TAF3: variants seen among roughly 807,000 people sequenced by gnomAD.
TAF3 encodes transcription initiation factor TFIID subunit 3.
Under a neutral mutation model 80.6 loss-of-function variants are expected in TAF3, and 7 were observed. The observed-to-expected ratio is 0.09, with a 90% confidence interval of 0.05 to 0.16. The LOEUF is 0.16. TAF3 is among the 10% of genes least tolerant of loss of function. The probability of loss-of-function intolerance (pLI) is 1.00; values close to 1 mark genes in which losing one functional copy is unlikely to be tolerated. For missense variants in TAF3, 921 were observed against 1,140.2 expected, an observed-to-expected ratio of 0.81 and a Z score of 2.77; for synonymous variants, 444 against 446.1, an observed-to-expected ratio of 1.00 and a Z score of 0.06.
Position 7,969,882 on chromosome 10 carries a change from G to A in TAF3, c.2232+4140G>A, listed in dbSNP as rs559515120. On this transcript the variant is annotated intron_variant, in intron 3 of 6. Coordinates refer to ENST00000344293, the MANE Select transcript of TAF3 (RefSeq NM_031923.4). ...CGTTATTCACCAACCTCCCATCCTC[G>A]CAGACCCTCTGCTTCCTTCCTCCGT... 3.9e-5 allele frequency among the ~76,000 whole-genome samples: 6 copies of A among 152,156 alleles called. No homozygotes were observed. In the East Asian group the frequency reaches 5.8e-4, roughly 15 times the overall value.
In TAF3 at chr10:8,015,548, T is replaced by C. The variant is rs761478576; in HGVS notation, c.*797T>C. Reference sequence around the variant, plus strand: ...ATAATAAATATTTATGAAGTAGTTATTTTTTAAATTTTTATCGTGTTTAAT... The same window carrying C: ...ATAATAAATATTTATGAAGTAGTTACTTTTTAAATTTTTATCGTGTTTAAT... On this transcript the variant is annotated 3_prime_UTR_variant, in exon 7 of 7. Coordinates refer to ENST00000344293, the MANE Select transcript of TAF3 (RefSeq NM_031923.4). The C allele has an allele frequency of 2.0e-5, 3 of 152,186 alleles. No homozygotes were observed. Among genetic ancestry groups the C allele is most frequent in the Non-Finnish European group, 4.4e-5 (3 of 68,038 alleles). The allele number at this position is 152,186 out of a possible 1,614,324, so 9.4% of individuals were successfully genotyped here. A position where few individuals can be genotyped will look rare whatever the true frequency, so the allele number is the denominator to read the frequency against.
intron 2 of TAF3, among the ~76,000 whole-genome samples, chr10:7,926,937 T>C (rs1442571838): frequency 1.3e-5 from 2 of 152,192 alleles, no homozygotes; most frequent in African/African-American, 2.4e-5. Flanking sequence ...TGTGTATATA[T>C]ATTATCACTA....
At chr10:7,842,151 G>GTTTTTTTTTTTGTT (rs1836921526) in intron 2 of TAF3, among the ~76,000 whole-genome samples, 6 of 98,798 alleles carry the variant, frequency 6.1e-5, no homozygotes, top group African/African-American at 7.4e-5. Context: ...AATTAATATT[G>GTTTTTTTTTTTGTT]TTTTTTTTTT....
intron 4 of TAF3, 86 bp downstream of exon 4, chr10:7,977,409 C>A: frequency 7.6e-7 from 1 of 1,317,000 alleles, no homozygotes; most frequent in Non-Finnish European, 1.1e-6. Context: ...ATTCCACAAG[C>A]TTCTCCCAGG....
At chr10:7,875,941 A>G (rs1367894783) in intron 2 of TAF3, among the ~76,000 whole-genome samples, 1 of 151,986 alleles carries the variant, frequency 6.6e-6, no homozygotes, top group Admixed American at 6.5e-5. Context: ...AACTCCAAAC[A>G]AGTGATAGTA....
intron 4 of TAF3, among the ~76,000 whole-genome samples, chr10:7,999,830 C>T (rs1831926411): frequency 6.6e-6 from 1 of 152,090 alleles, no homozygotes; most frequent in Non-Finnish European, 1.5e-5. Context: ...TGACCCTGTC[C>T]TTGTTGGTCT....
At chr10:7,988,126 T>C (rs12778232) in intron 4 of TAF3, among the ~76,000 whole-genome samples, 9,326 of 152,210 alleles carry the variant, frequency 0.061, 363 homozygotes, top group South Asian at 0.14. Context: ...TTAAAAACAG[T>C]TTTTAAGGCC....
chr10:7,856,237 AGGC>A (rs1194141138), intron 2 of TAF3, among the ~76,000 whole-genome samples: 1 of 152,164 alleles, frequency 6.6e-6, no homozygotes, highest in Non-Finnish European at 1.5e-5. Flanking sequence ...GCACTTTGGG[AGGC>A]CGAGGCGGGC....
At chr10:7,886,001 T>C (rs375509210) in intron 2 of TAF3, among the ~76,000 whole-genome samples, 1 of 152,118 alleles carries the variant, frequency 6.6e-6, no homozygotes, top group South Asian at 2.1e-4. Flanking sequence ...CGACGATGGC[T>C]CACTACAGCC....
chr10:7,841,544 G>T (rs1328653479), intron 2 of TAF3, among the ~76,000 whole-genome samples: 1 of 152,202 alleles, frequency 6.6e-6, no homozygotes, highest in East Asian at 1.9e-4. Context: ...TAAGTAGGGG[G>T]TTAGGATGAT....
chr10:7,896,190 T>A (rs935668983), intron 2 of TAF3, among the ~76,000 whole-genome samples: 1 of 152,164 alleles, frequency 6.6e-6, no homozygotes, highest in Non-Finnish European at 1.5e-5. Flanking sequence ...TAAAAACAAC[T>A]CTGTTTGAAC....
intron 2 of TAF3, among the ~76,000 whole-genome samples, chr10:7,842,302 G>A (rs971534762): frequency 1.3e-5 from 2 of 150,710 alleles, no homozygotes; most frequent in African/African-American, 4.9e-5. Context: ...TGGGATCACA[G>A]ACATGCACCA....
chr10:7,870,911 A>T (rs567856713), intron 2 of TAF3, among the ~76,000 whole-genome samples: 9 of 152,156 alleles, frequency 5.9e-5, no homozygotes, highest in African/African-American at 2.2e-4. Flanking sequence ...ATGAAAAAAA[A>T]TTGTTTCCTA....
chr10:7,884,392 C>CTTTTTTTT (rs61498355), intron 2 of TAF3, among the ~76,000 whole-genome samples: 1 of 120,508 alleles, frequency 8.3e-6, no homozygotes. Context: ...GCTCTGCCTC[C>CTTTTTTTT]TTTTTTTTTT....
intron 3 of TAF3, among the ~76,000 whole-genome samples, chr10:7,976,221 A>G (rs1008191738): frequency 3.3e-5 from 5 of 151,726 alleles, no homozygotes; most frequent in Non-Finnish European, 7.4e-5. Context: ...CCAAAAGAGA[A>G]TATCTGTTTT....
At chr10:7,925,436 C>G (rs183430667) in intron 2 of TAF3, among the ~76,000 whole-genome samples, 1 of 152,286 alleles carries the variant, frequency 6.6e-6, no homozygotes, top group East Asian at 1.9e-4. Context: ...AGGTGTTAAC[C>G]TCTTTTATAA....
intron 2 of TAF3, among the ~76,000 whole-genome samples, chr10:7,905,354 T>C (rs2131174933): frequency 6.6e-6 from 1 of 152,350 alleles, no homozygotes; most frequent in East Asian, 1.9e-4. Flanking sequence ...GAGTTTTTCT[T>C]AATTTTAATT....
rs1448441415 is a variant in TAF3 at position 7,818,600 on chromosome 10, C to T, written c.-110C>T. On this transcript the variant is annotated 5_prime_UTR_variant, in exon 1 of 7. Coordinates refer to ENST00000344293, the MANE Select transcript of TAF3 (RefSeq NM_031923.4). ...GTGGTCGCCGGGGGTCCGGGGGACC[C>T]TTTCCCCGCCGCGGAAGCCCTAGAG... 11 of 1,291,050 alleles carry T rather than the reference C, an allele frequency of 8.5e-6. No homozygotes were observed. Among genetic ancestry groups the T allele is most frequent in the Non-Finnish European group, 1.0e-5 (10 of 981,764 alleles). The allele number at this position is 1,291,050 out of a possible 1,614,324, so 80.0% of individuals were successfully genotyped here.
chr10:7,857,910 A>AT (rs140922817), intron 2 of TAF3, among the ~76,000 whole-genome samples: 46,166 of 138,388 alleles, frequency 0.33, 8,288 homozygotes, highest in Non-Finnish European at 0.39. Context: ...AACATTTCTG[A>AT]TTTTTTTTTT....
Sources: allele counts gnomAD v4.1 joint callset (sites outside exome capture counted in the v4.1 genomes callset), GRCh38; gene constraint gnomAD v4.1.1; transcripts MANE v1.5; gene names NCBI Gene and HGNC (gene_info 2026-07-23, HGNC 2026-07-21).